PSD3: variants seen among roughly 807,000 people sequenced by gnomAD.
PSD3 encodes the protein pleckstrin and Sec7 domain containing 3.
PSD3 carries 49 observed loss-of-function variants against 105.5 expected under a neutral mutation model. The observed-to-expected ratio is 0.46, with a 90% CI of 0.37 to 0.59. PSD3 has a LOEUF of 0.59. Ranked by LOEUF, PSD3 falls within the 20% of genes least tolerant of loss-of-function variation. The pLI is 0.00. For missense variants in PSD3, 1,561 were observed against 1,263.8 expected, an observed-to-expected ratio of 1.24 and a Z score of -3.57; for synonymous variants, 557 against 457.8, an observed-to-expected ratio of 1.22 and a Z score of -2.77.
At chr8:18,550,730 A>G (rs909585311) in intron 15 of PSD3, among the ~76,000 whole-genome samples, 4 of 152,152 alleles carry the variant, frequency 2.6e-5, no homozygotes, top group Non-Finnish European at 5.9e-5. Flanking sequence ...CACTATCATC[A>G]AGTTGAAAAA....
At chr8:18,963,982 A>C (rs1413371928) in intron 1 of PSD3, among the ~76,000 whole-genome samples, 10 of 152,222 alleles carry the variant, frequency 6.6e-5, no homozygotes, top group African/African-American at 2.2e-4. Flanking sequence ...CGAAGAGAAG[A>C]AATAATGTCT....
chr8:18,815,794 G>T lies in PSD3; in HGVS notation c.1635-10896C>A, dbSNP rs554752590. On this transcript the variant is annotated intron_variant, in intron 4 of 15. Coordinates refer to ENST00000327040, the MANE Select transcript of PSD3 (RefSeq NM_015310.4). ...ATAACTTCACTTTCTCTTTATGCAC[G>T]CTACAGGCAGTTTCTACAGCAGCAG... Among the ~76,000 whole-genome samples, 4 of 152,112 alleles carry T rather than the reference G, an allele frequency of 2.6e-5. No individual in the cohort carries two copies. In the East Asian group the frequency reaches 7.7e-4, roughly 29 times the overall value.
chr8:18,916,862 A>T (rs1363832290), intron 2 of PSD3, among the ~76,000 whole-genome samples: 1 of 152,082 alleles, frequency 6.6e-6, no homozygotes, highest in Non-Finnish European at 1.5e-5. Flanking sequence ...TTTGTCAATT[A>T]TATCTTAATA....
chr8:18,928,166 G>A (rs1821497973), intron 2 of PSD3, among the ~76,000 whole-genome samples: 1 of 152,176 alleles, frequency 6.6e-6, no homozygotes, highest in African/African-American at 2.4e-5. Context: ...CGTGTCAAGG[G>A]CGGCGCCAGG....
chr8:19,084,344 G>A, exon 1 of PSD3: 1 of 456,312 alleles, frequency 2.2e-6, no homozygotes, highest in Non-Finnish European at 4.4e-6. Context: ...GTATTTGGCA[G>A]GTCTCGGCGC....
chr8:18,920,449 C>G (rs184119665), intron 2 of PSD3, among the ~76,000 whole-genome samples: 16 of 152,254 alleles, frequency 1.1e-4, no homozygotes, highest in South Asian at 4.1e-4. Context: ...ACAGATACAG[C>G]GGTATTGAAA....
At chr8:18,882,972 C>A (rs966328912) in intron 2 of PSD3, among the ~76,000 whole-genome samples, 1 of 152,048 alleles carries the variant, frequency 6.6e-6, no homozygotes, top group East Asian at 1.9e-4. Flanking sequence ...ACATTTCCGT[C>A]ATCACAGAAA....
At chr8:18,893,003 G>A (rs1269851695) in intron 2 of PSD3, among the ~76,000 whole-genome samples, 1 of 152,152 alleles carries the variant, frequency 6.6e-6, no homozygotes, top group Non-Finnish European at 1.5e-5. Context: ...TGATGCAAAT[G>A]AAATAAATGT....
chr8:18,671,206 G>C (rs1411272335), intron 9 of PSD3, among the ~76,000 whole-genome samples: 1 of 152,194 alleles, frequency 6.6e-6, no homozygotes, highest in Non-Finnish European at 1.5e-5. Context: ...TAGGAAGTAA[G>C]TAGGATGACT....
At chr8:18,976,999 G>C (rs934614472) in intron 1 of PSD3, among the ~76,000 whole-genome samples, 3 of 152,106 alleles carry the variant, frequency 2.0e-5, no homozygotes, top group African/African-American at 7.2e-5. Flanking sequence ...TGTTTTTAAA[G>C]TCTAACGGTA....
At chr8:18,541,963 G>C (rs112467197) in intron 15 of PSD3, among the ~76,000 whole-genome samples, 8,566 of 152,072 alleles carry the variant, frequency 0.056, 430 homozygotes, top group African/African-American at 0.14. Context: ...ATGTTGGTCA[G>C]GCTGGTCTCA....
intron 4 of PSD3, among the ~76,000 whole-genome samples, chr8:18,846,978 C>G (rs1000195736): frequency 9.9e-5 from 15 of 152,088 alleles, no homozygotes. Flanking sequence ...ATCCCATGCT[C>G]CCTTAACTCT....
chr8:18,646,531 G>A (rs1448231780), intron 10 of PSD3, among the ~76,000 whole-genome samples: 2 of 151,824 alleles, frequency 1.3e-5, no homozygotes, highest in Non-Finnish European at 2.9e-5. Flanking sequence ...TACACACAAG[G>A]GATTCCAACT....
chr8:18,726,616 T>G (rs560841359), intron 9 of PSD3, among the ~76,000 whole-genome samples: 3 of 152,186 alleles, frequency 2.0e-5, no homozygotes, highest in Admixed American at 6.6e-5. Flanking sequence ...AATTCTATCT[T>G]CTCATCTCAG....
At chr8:18,873,590 A>G (rs1354861477) in intron 2 of PSD3, among the ~76,000 whole-genome samples, 2 of 152,152 alleles carry the variant, frequency 1.3e-5, no homozygotes, top group Non-Finnish European at 2.9e-5. Context: ...AAACATTTAA[A>G]ATCTACTTAC....
chr8:18,791,047 A>G (rs1586006303), intron 8 of PSD3, among the ~76,000 whole-genome samples: 2 of 152,336 alleles, frequency 1.3e-5, no homozygotes, highest in Admixed American at 6.5e-5. Flanking sequence ...AAGAAGAGCT[A>G]CAAACCACTG....
chr8:18,554,067 G>C (rs980885001), intron 15 of PSD3, among the ~76,000 whole-genome samples: 3 of 152,192 alleles, frequency 2.0e-5, no homozygotes, highest in African/African-American at 4.8e-5. Context: ...TTTCAGAAAA[G>C]AGGTAGCGCT....
intron 8 of PSD3, among the ~76,000 whole-genome samples, chr8:18,780,939 T>C (rs1439188890): frequency 1.3e-5 from 2 of 152,212 alleles, no homozygotes; most frequent in African/African-American, 2.4e-5. Context: ...CCTCTTCTTG[T>C]AGGGCCAGTA....
intron 4 of PSD3, among the ~76,000 whole-genome samples, chr8:18,849,976 T>G (rs1815433792): frequency 6.6e-6 from 1 of 152,222 alleles, no homozygotes; most frequent in South Asian, 2.1e-4. Flanking sequence ...CAGATTTAAC[T>G]CTTCTTGTTT....
Sources: gnomAD v4.1 joint callset for allele counts (sites outside exome capture counted in the v4.1 genomes callset) on GRCh38, gnomAD v4.1.1 for gene constraint, MANE v1.5 for transcripts, NCBI Gene and HGNC (gene_info 2026-07-23, HGNC 2026-07-21) for gene names.